The following CSF2RA variants were observed in gnomAD, a reference collection of about 807,000 sequenced individuals.
The protein encoded by CSF2RA is granulocyte-macrophage colony-stimulating factor receptor subunit alpha.
In CSF2RA, 42 loss-of-function variants were observed where a neutral mutation model predicts 51.6. That is an observed-to-expected ratio of 0.81 (90% CI 0.64 to 1.05). The LOEUF is 1.05. Among genes scored for constraint, CSF2RA ranks in the 50% least tolerant of loss-of-function variants. The pLI, the probability that CSF2RA is intolerant of heterozygous loss-of-function variation, is 0.00. For missense variants in CSF2RA, 530 were observed against 501.1 expected (o/e 1.06, Z -0.55); for synonymous variants, 222 against 193.0 (o/e 1.15, Z -1.24).
chrX:1,311,444 T>C (rs1434758026), downstream of CSF2RA, among the ~76,000 whole-genome samples: 1 of 151,610 alleles, frequency 6.6e-6, no homozygotes, highest in Non-Finnish European at 1.5e-5. Flanking sequence ...CCTGTTTGTT[T>C]TTTTTTTTAA....
intron 1 of CSF2RA, among the ~76,000 whole-genome samples, chrX:1,270,579 T>C (rs28404117): frequency 0.85 from 129,777 of 151,820 alleles, 55,933 homozygotes; most frequent in Non-Finnish European, 0.92. Flanking sequence ...TCTCACACTA[T>C]GAAAGCTTTT....
At chrX:1,272,242 C>G (rs1255243338) in intron 1 of CSF2RA, among the ~76,000 whole-genome samples, 1 of 151,976 alleles carries the variant, frequency 6.6e-6, no homozygotes. Flanking sequence ...GCGTGAACCA[C>G]TGTACCCAGC....
At position 1,290,400 on chromosome X, in the gene CSF2RA, C is replaced by T. The variant is rs2091290649; in HGVS notation, c.537C>T (p.His179=). The T allele has an allele frequency of 6.2e-7, 1 of 1,613,504 alleles. No homozygotes were observed. The highest frequency in any genetic ancestry group is 1.3e-5 in the African/African-American group (1 of 74,888). Residue 179 remains histidine, a synonymous_variant, in exon 7 of 13, where the codon CAC becomes CAT. Transcript: ENST00000381529. ...ACTCAGGAACCCATGTGGGATGTCA[C>T]CTGGATAACCTGTCAGGATTAACGT... ...IQDSGTHVGC[H]LDNLSGLTSR... is the part of the protein sequence containing the mutation.
intron 9 of CSF2RA, among the ~76,000 whole-genome samples, chrX:1,299,483 G>A (rs750545839): frequency 1.2e-4 from 18 of 152,236 alleles, no homozygotes; most frequent in African/African-American, 4.3e-4. Context: ...GGAGTGCAGT[G>A]GTGCGATCTC....
chrX:1,307,792 T>A (rs575831419), intron 12 of CSF2RA, among the ~76,000 whole-genome samples: 1 of 84,878 alleles, frequency 1.2e-5, no homozygotes, highest in African/African-American at 4.0e-5. Flanking sequence ...CACCTTTCCC[T>A]TTTTAGACCT....
intron 4 of CSF2RA, among the ~76,000 whole-genome samples, chrX:1,287,663 T>G (rs59546594): frequency 2.2e-5 from 3 of 133,864 alleles, no homozygotes; most frequent in Middle Eastern, 4.3e-3. Context: ...AGGCTGATCT[T>G]GAACTCCTGA....
chrX:1,305,608 C>A (rs1259109655), intron 12 of CSF2RA, 81 bp downstream of exon 12: 3 of 1,613,642 alleles, frequency 1.9e-6, no homozygotes, highest in Non-Finnish European at 1.7e-6. Flanking sequence ...TGGGTGTCGA[C>A]CATCTTGCTT....
rs1173395017 is a variant in CSF2RA at position 1,295,436 on chromosome X, C to A, written c.790C>A (p.Pro264Thr). Reference protein sequence around the residue: ...QLDVHRKNTQPGTENLLINVS... With the variant: ...QLDVHRKNTQTGTENLLINVS... ...TTTGTTTTGTTTCTAGAATACCCAG[C>A]CTGGCACGGAAAACCTACTGGTAAG... is the stretch of plus-strand genomic sequence containing the variant. The change falls in exon 9 of 13, where the codon CCT becomes ACT. Residue 264 changes from proline to threonine, a missense_variant. Coordinates refer to ENST00000381529, the MANE Select transcript of CSF2RA (RefSeq NM_172245.4). 1.2e-6 allele frequency: 2 copies of A among 1,613,504 alleles called. No homozygotes were observed. The highest frequency in any genetic ancestry group is 1.7e-6 in the Non-Finnish European group (2 of 1,179,588).
chrX:1,269,449 C>T (rs1258115372), intron 1 of CSF2RA, among the ~76,000 whole-genome samples: 6 of 151,614 alleles, frequency 4.0e-5, no homozygotes, highest in Non-Finnish European at 2.9e-5. Context: ...GGAGAAACCC[C>T]GTCTCTACTA....
chrX:1,299,311 C>T (rs1188848509), intron 9 of CSF2RA, among the ~76,000 whole-genome samples: 1 of 152,180 alleles, frequency 6.6e-6, no homozygotes, highest in Non-Finnish European at 1.5e-5. Flanking sequence ...CTCTGACCCT[C>T]GGTATCCTCC....
At position 1,295,467 on chromosome X, in the gene CSF2RA, C is replaced by A; in HGVS notation, c.810+11C>A. On this transcript the variant is annotated intron_variant, in intron 9 of 12. Coordinates refer to ENST00000381529, the MANE Select transcript of CSF2RA (RefSeq NM_172245.4). ...ACGGAAAACCTACTGGTAAGTGAAA[C>A]CACAGACCCTACTGACAACCCTCAG... The A allele has an allele frequency of 6.2e-7, 1 of 1,613,368 alleles. No individual in the cohort carries two copies. The highest frequency in any genetic ancestry group is 8.5e-7 in the Non-Finnish European group (1 of 1,179,516).
the CSF2RA span, among the ~76,000 whole-genome samples, chrX:1,317,142 G>A: frequency 6.7e-6 from 1 of 149,236 alleles, no homozygotes. Flanking sequence ...TAGAGACGAG[G>A]TTTCACCATG....
chrX:1,314,883 CCAACCACACTGAACCTGCT>C (rs1404353375), downstream of CSF2RA, among the ~76,000 whole-genome samples: 77 of 71,112 alleles, frequency 1.1e-3, 14 homozygotes, highest in African/African-American at 2.6e-3. Flanking sequence ...CTGCACCTGC[CCAACCACACTGAACCTGCT>C]CAACCCCACT....
At chrX:1,306,411 C>T (rs748227791) in intron 12 of CSF2RA, among the ~76,000 whole-genome samples, 1 of 151,996 alleles carries the variant, frequency 6.6e-6, no homozygotes, top group South Asian at 2.1e-4. Flanking sequence ...CTTTGGGAGG[C>T]CGAGGCGGGT....
chrX:1,309,658 A>T lies in CSF2RA; in HGVS notation c.*179A>T. On this transcript the variant is annotated 3_prime_UTR_variant, in exon 13 of 13. Coordinates refer to ENST00000381529, the MANE Select transcript of CSF2RA (RefSeq NM_172245.4). Reference sequence around the variant, plus strand: ...TCCCAGCACTTTGGGAGGCCAAGGCAGGCGGATCACCTGAGGTCAGGAGTT... The same window carrying T: ...TCCCAGCACTTTGGGAGGCCAAGGCTGGCGGATCACCTGAGGTCAGGAGTT... 7.0e-7 allele frequency: 1 copy of T among 1,424,770 alleles called. No homozygotes were observed. The highest frequency in any genetic ancestry group is 1.2e-5 in the South Asian group (1 of 86,926). 88.3% of individuals were successfully genotyped at this position (1,424,770 alleles called of 1,614,324 possible).
rs1436224543 is a variant in CSF2RA at position 1,303,927 on chromosome X, T to C, written c.951T>C (p.Ser317=). 7 of 1,613,548 alleles carry C rather than the reference T, an allele frequency of 4.3e-6. No homozygotes were observed. The highest frequency in any genetic ancestry group is 2.2e-5 in the East Asian group (1 of 44,820). Reference sequence around the variant, plus strand: ...CAAACCTGTGTGTCTCTCCAGGTTCTGACGACGGGAACCTCGGCTCTGTGT... The same window carrying C: ...CAAACCTGTGTGTCTCTCCAGGTTCCGACGACGGGAACCTCGGCTCTGTGT... ...SSWSEAIEFG[S]DDGNLGSVYI... Residue 317 remains serine, a synonymous_variant, in exon 11 of 13, where the codon TCT becomes TCC. Transcript: ENST00000381529.
At chrX:1,273,438 C>T (rs2088708231) in intron 1 of CSF2RA, among the ~76,000 whole-genome samples, 1 of 152,010 alleles carries the variant, frequency 6.6e-6, no homozygotes. Context: ...CCTCAGCCTT[C>T]CAAATAGCTG....
At chrX:1,280,928 T>TCTCCTCCTC (rs1328073063) in intron 2 of CSF2RA, among the ~76,000 whole-genome samples, 2 of 19,798 alleles carry the variant, frequency 1.0e-4, no homozygotes, top group African/African-American at 2.4e-4. Flanking sequence ...TCCTCCTCCT[T>TCTCCTCCTC]CTCCTCCTCC....
intron 7 of CSF2RA, among the ~76,000 whole-genome samples, chrX:1,293,287 C>T (rs1189369507): frequency 1.3e-5 from 2 of 152,108 alleles, no homozygotes; most frequent in Admixed American, 6.6e-5. Flanking sequence ...GGCGGGATCT[C>T]GGCTCACTGC....
Sources: gnomAD v4.1 joint callset for allele counts (sites outside exome capture counted in the v4.1 genomes callset) on GRCh38, gnomAD v4.1.1 for gene constraint, MANE v1.5 for transcripts, NCBI Gene and HGNC (gene_info 2026-07-23, HGNC 2026-07-21) for gene names.